The following STXBP5L variants were observed in gnomAD, a reference collection of about 807,000 sequenced individuals.
STXBP5L encodes the protein syntaxin-binding protein 5-like.
Under a neutral mutation model 144.5 loss-of-function variants are expected in STXBP5L, and 65 were observed. The ratio of observed to expected loss-of-function variants is 0.45; its 90% CI spans 0.37 to 0.55. The LOEUF is 0.55. Among genes scored for constraint, STXBP5L ranks in the 20% least tolerant of loss-of-function variants. The pLI is 0.00. For synonymous variants in STXBP5L, 505 were observed against 469.6 expected, an observed-to-expected ratio of 1.08 and a Z score of -0.97; for missense variants, 1,298 against 1,405.5, an observed-to-expected ratio of 0.92 and a Z score of 1.22.
intron 2 of STXBP5L, among the ~76,000 whole-genome samples, chr3:120,952,806 T>C (rs1474185860): frequency 1.3e-5 from 2 of 152,048 alleles, no homozygotes; most frequent in African/African-American, 4.8e-5. Flanking sequence ...ATTTTTAAAA[T>C]TTTTTCCGTA....
intron 3 of STXBP5L, among the ~76,000 whole-genome samples, chr3:120,972,813 C>T (rs983823520): frequency 3.3e-5 from 5 of 152,006 alleles, no homozygotes; most frequent in African/African-American, 1.2e-4. Flanking sequence ...TTTTCTTCAT[C>T]TATTGAGATT....
chr3:120,991,505 C>T (rs1041036934), intron 3 of STXBP5L, among the ~76,000 whole-genome samples: 1 of 152,214 alleles, frequency 6.6e-6, no homozygotes, highest in Non-Finnish European at 1.5e-5. Context: ...GATTATAAAT[C>T]ATGCTACTAT....
chr3:121,030,353 A>G (rs1256833466), intron 3 of STXBP5L, among the ~76,000 whole-genome samples: 5 of 152,186 alleles, frequency 3.3e-5, no homozygotes, highest in Non-Finnish European at 7.4e-5. Context: ...ACAGCCATAG[A>G]AAAGGATGAG....
At chr3:121,123,802 A>G (rs2044582584) in intron 7 of STXBP5L, among the ~76,000 whole-genome samples, 1 of 151,838 alleles carries the variant, frequency 6.6e-6, no homozygotes, top group African/African-American at 2.4e-5. Flanking sequence ...ATAATCTTGA[A>G]TAAATCACTT....
chr3:121,417,225 A>G (rs931979228), intron 25 of STXBP5L, among the ~76,000 whole-genome samples: 1 of 152,204 alleles, frequency 6.6e-6, no homozygotes, highest in African/African-American at 2.4e-5. Flanking sequence ...AGTTATGTGT[A>G]TGTTCTGCAA....
chr3:120,981,136 C>G (rs1268791742), intron 3 of STXBP5L, among the ~76,000 whole-genome samples: 1 of 152,024 alleles, frequency 6.6e-6, no homozygotes, highest in Non-Finnish European at 1.5e-5. Context: ...ACTTTTAGGA[C>G]TTTCTCTTTC....
chr3:120,984,993 C>T (rs947817384), intron 3 of STXBP5L, among the ~76,000 whole-genome samples: 18 of 152,066 alleles, frequency 1.2e-4, no homozygotes, highest in Non-Finnish European at 1.5e-5. Context: ...ACAATTCTTG[C>T]ATCTCAGGAA....
At position 120,954,988 on chromosome 3, in the gene STXBP5L, C is replaced by A; in HGVS notation, c.238C>A (p.Pro80Thr). ...PHQPTALAFD[P>T]VQKILAIGTR... ...TCAGCCCACAGCATTAGCCTTTGAT[C>A]CAGTTCAGAAAATCTTGGCTATTGG... Residue 80 changes from proline (P) to threonine (T), a missense_variant, in exon 3 of 27, where the codon CCA becomes ACA. By Grantham distance (38) the Pro-to-Thr change is conservative. Transcript: ENST00000471454. 1 of 1,612,644 alleles carries A rather than the reference C, an allele frequency of 6.2e-7. No individual in the cohort carries two copies. Among genetic ancestry groups the A allele is most frequent in the Non-Finnish European group, 8.5e-7 (1 of 1,179,182 alleles).
intron 20 of STXBP5L, among the ~76,000 whole-genome samples, chr3:121,330,755 T>C (rs969958254): frequency 2.6e-5 from 4 of 152,172 alleles, no homozygotes; most frequent in Non-Finnish European, 5.9e-5. Context: ...AACTTGTGCA[T>C]GACCTCAGCT....
At chr3:121,238,429 A>G (rs1167484501) in intron 12 of STXBP5L, among the ~76,000 whole-genome samples, 2 of 152,134 alleles carry the variant, frequency 1.3e-5, no homozygotes, top group Non-Finnish European at 2.9e-5. Flanking sequence ...TCAATTCATG[A>G]AGGATCTGCC....
chr3:121,324,636 C>A, intron 20 of STXBP5L: 2 of 641,938 alleles, frequency 3.1e-6, no homozygotes, highest in South Asian at 1.8e-5. Flanking sequence ...CATATCTTCA[C>A]AATTTTCTAG....
chr3:121,234,551 G>A (rs916758733), intron 12 of STXBP5L, among the ~76,000 whole-genome samples: 73 of 152,246 alleles, frequency 4.8e-4, no homozygotes, highest in African/African-American at 1.7e-3. Context: ...CCACTAGGCT[G>A]TAGGCTCCAT....
At chr3:121,330,077 A>G (rs1201199891) in intron 20 of STXBP5L, among the ~76,000 whole-genome samples, 1 of 152,244 alleles carries the variant, frequency 6.6e-6, no homozygotes, top group Non-Finnish European at 1.5e-5. Context: ...TCAGGGTTTT[A>G]ATAATTATAC....
intron 22 of STXBP5L, among the ~76,000 whole-genome samples, chr3:121,391,662 A>C (rs2108707763): frequency 1.3e-5 from 2 of 152,112 alleles, no homozygotes; most frequent in African/African-American, 4.8e-5. Context: ...GGTCTGTTGG[A>C]GTTTGCTGGA....
intron 23 of STXBP5L, 47 bp from the exon 24 acceptor site, chr3:121,413,105 ATCTGCT>A (rs1315413776): frequency 4.9e-5 from 64 of 1,308,006 alleles, no homozygotes; most frequent in Non-Finnish European, 6.4e-5. Flanking sequence ...TTATGTAAAT[ATCTGCT>A]TCTAACAACC....
intron 3 of STXBP5L, among the ~76,000 whole-genome samples, chr3:121,013,784 T>G (rs1944949275): frequency 6.6e-6 from 1 of 152,098 alleles, no homozygotes; most frequent in South Asian, 2.1e-4. Flanking sequence ...ATGTTACATT[T>G]AAGTCTTTAA....
intron 20 of STXBP5L, among the ~76,000 whole-genome samples, chr3:121,344,902 A>G (rs1393398100): frequency 6.6e-6 from 1 of 150,784 alleles, no homozygotes; most frequent in Admixed American, 6.6e-5. Flanking sequence ...CCAAAACTTT[A>G]AAATTACAAA....
At chr3:121,210,744 T>A (rs1042192232) in intron 10 of STXBP5L, among the ~76,000 whole-genome samples, 1 of 152,192 alleles carries the variant, frequency 6.6e-6, no homozygotes, top group African/African-American at 2.4e-5. Flanking sequence ...TAGTTGTAGA[T>A]GTGTGGTATT....
intron 3 of STXBP5L, among the ~76,000 whole-genome samples, chr3:121,007,605 G>A (rs1292498518): frequency 2.6e-5 from 4 of 151,954 alleles, no homozygotes; most frequent in Non-Finnish European, 5.9e-5. Context: ...ATTCAACTCT[G>A]TTAAATCATT....
Sources: gnomAD v4.1 joint callset for allele counts (sites outside exome capture counted in the v4.1 genomes callset) on GRCh38, gnomAD v4.1.1 for gene constraint, MANE v1.5 for transcripts, NCBI Gene and HGNC (gene_info 2026-07-23, HGNC 2026-07-21) for gene names.